Variants in MERTK observed in about 807,000 individuals in gnomAD.
The protein encoded by MERTK is tyrosine-protein kinase Mer.
MERTK carries 69 observed loss-of-function variants against 99.3 expected under a neutral mutation model. That is an observed-to-expected ratio of 0.70 (90% confidence interval 0.57 to 0.85). The LOEUF (loss-of-function observed/expected upper bound fraction) is 0.85. Among genes scored for constraint, MERTK ranks in the 40% least tolerant of loss-of-function variants. The probability of loss-of-function intolerance (pLI) is 0.00; values close to 1 mark genes in which losing one functional copy is unlikely to be tolerated. For missense variants in MERTK, 1,125 were observed against 1,249.4 expected, an observed-to-expected ratio of 0.90 and a Z score of 1.50; for synonymous variants, 426 against 467.6, an observed-to-expected ratio of 0.91 and a Z score of 1.15.
chr2:111,910,610 GTA>G (rs1553444752), intron 1 of MERTK, among the ~76,000 whole-genome samples: 60 of 143,574 alleles, frequency 4.2e-4, no homozygotes, highest in African/African-American at 6.2e-4. Flanking sequence ...GTGTGTGTGT[GTA>G]TATATATATA....
At chr2:111,958,131 A>G (rs1378161013) in intron 4 of MERTK, among the ~76,000 whole-genome samples, 2 of 152,176 alleles carry the variant, frequency 1.3e-5, no homozygotes, top group African/African-American at 4.8e-5. Context: ...ACCCACTAGA[A>G]GAGGAGTTGG....
rs1677523605 is a variant in MERTK at position 112,028,806 on chromosome 2, T to A, written c.2942T>A (p.Leu981Ter). ...AGCATGCTGCCCTTGGGAAGCTCAT[T>A]GCCCGATGAACTTTTGTTTGCTGAC... ...HSSMLPLGSS[L>*]PDELLFADDS... The change falls in exon 19 of 19, where the codon TTG (leucine) becomes TAG (stop). Residue 981 changes from leucine (L) to a stop codon, truncating the protein, a stop_gained. Coordinates refer to ENST00000295408, the MANE Select transcript of MERTK (RefSeq NM_006343.3). LOFTEE classifies it high-confidence loss of function. The A allele has an allele frequency of 6.2e-7, 1 of 1,614,024 alleles. No homozygotes were observed. Among genetic ancestry groups the A allele is most frequent in the Admixed American group, 1.7e-5 (1 of 59,996 alleles).
At chr2:111,928,674 C>G (rs571698468) in intron 1 of MERTK, among the ~76,000 whole-genome samples, 3 of 152,024 alleles carry the variant, frequency 2.0e-5, no homozygotes, top group African/African-American at 7.2e-5. Context: ...TTAGTAGAGA[C>G]AGGTTTTTGC....
At chr2:111,906,707 G>C (rs80027491) in intron 1 of MERTK, among the ~76,000 whole-genome samples, 2 of 152,258 alleles carry the variant, frequency 1.3e-5, no homozygotes, top group East Asian at 3.9e-4. Context: ...TTGAAGATTT[G>C]GTGATGAAAG....
chr2:111,926,870 A>G (rs1684578068), intron 1 of MERTK, among the ~76,000 whole-genome samples: 1 of 152,220 alleles, frequency 6.6e-6, no homozygotes, highest in Non-Finnish European at 1.5e-5. Flanking sequence ...CCCTCCTCCT[A>G]CCAAGAGCAT....
intron 18 of MERTK, among the ~76,000 whole-genome samples, chr2:112,023,561 G>A (rs1400559014): frequency 6.6e-6 from 1 of 152,066 alleles, no homozygotes; most frequent in Non-Finnish European, 1.5e-5. Flanking sequence ...CAGGCAGTAT[G>A]GGGAAGAGAC....
intron 6 of MERTK, 21 bp from the exon 7 acceptor site, chr2:111,975,268 T>C (rs1333270488): frequency 6.2e-7 from 1 of 1,613,894 alleles, no homozygotes; most frequent in South Asian, 1.1e-5. Flanking sequence ...TGCCCGGTCC[T>C]CATGTTTACT....
intron 16 of MERTK, 55 bp downstream of exon 16, chr2:112,019,577 G>C: frequency 7.3e-7 from 1 of 1,360,878 alleles, no homozygotes; most frequent in South Asian, 1.2e-5. Flanking sequence ...TTTGGTCTTT[G>C]CAGGGTTAGT....
chr2:111,928,782 G>A (rs924011224), intron 1 of MERTK, among the ~76,000 whole-genome samples: 2 of 152,130 alleles, frequency 1.3e-5, no homozygotes, highest in African/African-American at 4.8e-5. Flanking sequence ...CACCGCGCCT[G>A]GCCAAGAAAA....
chr2:111,958,469 A>T (rs1268587910), intron 4 of MERTK, among the ~76,000 whole-genome samples: 1 of 152,192 alleles, frequency 6.6e-6, no homozygotes, highest in Non-Finnish European at 1.5e-5. Flanking sequence ...TTTGGCCCTA[A>T]GTGCTGTCTG....
intron 4 of MERTK, among the ~76,000 whole-genome samples, chr2:111,957,103 A>G (rs1400085900): frequency 4.0e-5 from 6 of 151,680 alleles, no homozygotes; most frequent in Non-Finnish European, 7.4e-5. Context: ...AATTTTTTGT[A>G]TTTTTAATAG....
intron 18 of MERTK, among the ~76,000 whole-genome samples, chr2:112,025,389 A>G (rs1051319593): frequency 6.6e-6 from 1 of 152,014 alleles, no homozygotes; most frequent in African/African-American, 2.4e-5. Context: ...CCCTCACACT[A>G]TTATTTACCC....
chr2:111,977,581 CTG>C (rs1296870038), intron 7 of MERTK, among the ~76,000 whole-genome samples: 1 of 152,080 alleles, frequency 6.6e-6, no homozygotes, highest in Non-Finnish European at 1.5e-5. Flanking sequence ...TCTGGGGTCT[CTG>C]TATTTGTTGT....
chr2:111,998,321 C>G (rs1676795851), intron 10 of MERTK, among the ~76,000 whole-genome samples: 1 of 152,064 alleles, frequency 6.6e-6, no homozygotes, highest in Admixed American at 6.6e-5. Context: ...AAAATACATC[C>G]CAGGATCTTG....
intron 6 of MERTK, among the ~76,000 whole-genome samples, chr2:111,970,999 G>A (rs1676109496): frequency 6.6e-6 from 1 of 151,892 alleles, no homozygotes; most frequent in Non-Finnish European, 1.5e-5. Flanking sequence ...TTTTTACTTG[G>A]TATGAGTCTA....
intron 6 of MERTK, among the ~76,000 whole-genome samples, chr2:111,971,128 A>G (rs1413366270): frequency 6.6e-6 from 1 of 152,022 alleles, no homozygotes; most frequent in Non-Finnish European, 1.5e-5. Context: ...GTATTCCATT[A>G]TAACCTTTTT....
intron 1 of MERTK, among the ~76,000 whole-genome samples, chr2:111,920,393 G>T (rs867311): frequency 0.2 from 29,671 of 151,984 alleles, 3,725 homozygotes; most frequent in South Asian, 0.31. Context: ...CCAGCCACCC[G>T]CTTTCTCTTG....
intron 15 of MERTK, among the ~76,000 whole-genome samples, chr2:112,016,528 C>T (rs56361454): frequency 0.25 from 38,610 of 152,026 alleles, 5,481 homozygotes; most frequent in Middle Eastern, 0.48. Flanking sequence ...TTTGATACTG[C>T]GATGGCCCAA....
In MERTK at chr2:111,932,891, G is replaced by A. The variant is rs996601529; in HGVS notation, c.482+3351G>A. Reference sequence around the variant, plus strand: ...TGACATCTCTCTGGCCGAAGGGGACGTTATCTCAGGGCTGGCATGTCTCAG... The same window carrying A: ...TGACATCTCTCTGGCCGAAGGGGACATTATCTCAGGGCTGGCATGTCTCAG... On this transcript the variant is annotated intron_variant, in intron 2 of 18. Transcript: ENST00000295408. Among the ~76,000 whole-genome samples, 5 of 152,138 alleles carry A rather than the reference G, an allele frequency of 3.3e-5. 1 individual carries two copies. The highest frequency in any genetic ancestry group is 6.6e-5 in the Admixed American group (1 of 15,266).
Sources: gnomAD v4.1 joint callset for allele counts (sites outside exome capture counted in the v4.1 genomes callset) on GRCh38, gnomAD v4.1.1 for gene constraint, MANE v1.5 for transcripts, NCBI Gene and HGNC (gene_info 2026-07-23, HGNC 2026-07-21) for gene names.